Variants in SLC4A10 observed in about 807,000 individuals in gnomAD.
SLC4A10 encodes the protein sodium-driven chloride bicarbonate exchanger.
Under a neutral mutation model 137.7 loss-of-function variants are expected in SLC4A10, and 42 were observed. The ratio of observed to expected loss-of-function variants is 0.30; its 90% confidence interval spans 0.24 to 0.39. The LOEUF is 0.39. SLC4A10 is among the 10% of genes least tolerant of loss of function. SLC4A10 has a pLI of 1.00. For missense variants in SLC4A10, 925 were observed against 1,355.0 expected (o/e 0.68, Z 4.98); for synonymous variants, 474 against 464.1 (o/e 1.02, Z -0.27).
chr2:161,866,936 T>A (rs1437896525), intron 6 of SLC4A10, among the ~76,000 whole-genome samples: 1 of 151,974 alleles, frequency 6.6e-6, no homozygotes, highest in Admixed American at 6.6e-5. Context: ...GCTCTATCCT[T>A]TACTAATAAT....
chr2:161,801,121 T>C (rs1165645543), intron 2 of SLC4A10, among the ~76,000 whole-genome samples: 1 of 152,090 alleles, frequency 6.6e-6, no homozygotes, highest in Admixed American at 6.6e-5. Flanking sequence ...TTAACTGTGT[T>C]GCAAAACTAA....
intron 7 of SLC4A10, 131 bp downstream of exon 7, chr2:161,872,515 GA>G: frequency 4.9e-6 from 2 of 406,572 alleles, no homozygotes. Context: ...TATTGTTACA[GA>G]AAATGTTAGC....
chr2:161,815,067 A>G (rs2056916315), intron 3 of SLC4A10, among the ~76,000 whole-genome samples: 1 of 152,154 alleles, frequency 6.6e-6, no homozygotes, highest in African/African-American at 2.4e-5. Flanking sequence ...AAAGCCAACA[A>G]TATTAGCATT....
intron 15 of SLC4A10, among the ~76,000 whole-genome samples, chr2:161,924,323 A>T (rs560163258): frequency 1.0e-3 from 153 of 152,122 alleles, no homozygotes; most frequent in Non-Finnish European, 1.6e-3. Context: ...ATAAGAAGTA[A>T]GTAGTCAGAA....
rs375098227 is a variant in SLC4A10, at chr2:161,854,008, C to T, written c.417-962C>T. ...GTTGAAGGTGGATCATTTTATTACACAAAATAGTAAGATAATATAATATAG... is the reference window on the plus strand; with the variant it reads ...GTTGAAGGTGGATCATTTTATTACATAAAATAGTAAGATAATATAATATAG... On this transcript the variant is annotated intron_variant, in intron 4 of 26. Transcript: ENST00000446997. Among the ~76,000 whole-genome samples the T allele has an allele frequency of 1.1e-4, 16 of 151,966 alleles. No homozygotes were observed. In the East Asian group the frequency reaches 2.3e-3, roughly 22 times the overall value.
chr2:161,877,344 A>G (rs1243789770), intron 8 of SLC4A10, among the ~76,000 whole-genome samples: 1 of 152,030 alleles, frequency 6.6e-6, no homozygotes, highest in Non-Finnish European at 1.5e-5. Context: ...CAGTATATTT[A>G]TATTGTATCA....
chr2:161,904,041 G>T lies in SLC4A10; in HGVS notation c.1480G>T (p.Ala494Ser), dbSNP rs755321628. Reference protein sequence around the residue: ...GGLILDIKRKAPYFWSDFRDA... With the variant: ...GGLILDIKRKSPYFWSDFRDA... Reference sequence around the variant, plus strand: ...ACTTATTTTAGATATCAAAAGAAAAGCTCCATACTTCTGGAGTGACTTCAG... The same window carrying T: ...ACTTATTTTAGATATCAAAAGAAAATCTCCATACTTCTGGAGTGACTTCAG... The change falls in exon 13 of 27, where the codon GCT (alanine) becomes TCT (serine). Residue 494 changes from alanine to serine, a missense_variant. Transcript: ENST00000446997. 8.2e-6 allele frequency: 13 copies of T among 1,593,050 alleles called. No individual in the cohort carries two copies. In the South Asian group the frequency reaches 9.1e-5, roughly 11 times the overall value.
At chr2:161,769,297 G>A (rs1047124368) in intron 1 of SLC4A10, among the ~76,000 whole-genome samples, 2 of 151,702 alleles carry the variant, frequency 1.3e-5, no homozygotes, top group African/African-American at 4.8e-5. Flanking sequence ...TCCCACATAT[G>A]TTTCCTGTAT....
rs964019615 is a variant in SLC4A10 at position 161,760,287 on chromosome 2, T to G, written c.49-10686T>G. 5.3e-5 allele frequency among the ~76,000 whole-genome samples: 8 copies of G among 152,174 alleles called. No individual in the cohort carries two copies. In the East Asian group the frequency reaches 7.7e-4, roughly 15 times the overall value. On this transcript the variant is annotated intron_variant, in intron 1 of 26. Coordinates refer to ENST00000446997, the MANE Select transcript of SLC4A10 (RefSeq NM_001178015.2). Reference sequence around the variant, plus strand: ...ATGTTCTGTGTAATTTCTTTAGATCTTTTTCCTGGTTCCCTTATTCTTATA... The same window carrying G: ...ATGTTCTGTGTAATTTCTTTAGATCGTTTTCCTGGTTCCCTTATTCTTATA...
At chr2:161,739,474 C>T (rs1310352328) in intron 1 of SLC4A10, among the ~76,000 whole-genome samples, 1 of 152,082 alleles carries the variant, frequency 6.6e-6, no homozygotes, top group Non-Finnish European at 1.5e-5. Flanking sequence ...TCCTTGGTTC[C>T]GTATGTCTAA....
chr2:161,902,511 A>G (rs966836369), intron 12 of SLC4A10, among the ~76,000 whole-genome samples: 8 of 152,164 alleles, frequency 5.3e-5, no homozygotes, highest in African/African-American at 1.9e-4. Context: ...ACATGGGTAG[A>G]GAAGCCTAAG....
At chr2:161,717,414 T>C (rs1255677918) in intron 1 of SLC4A10, among the ~76,000 whole-genome samples, 2 of 152,204 alleles carry the variant, frequency 1.3e-5, no homozygotes, top group Non-Finnish European at 2.9e-5. Context: ...TGCAGTATGA[T>C]ATTGGCTGTG....
chr2:161,925,870 G>A (rs1688974761), intron 15 of SLC4A10, among the ~76,000 whole-genome samples: 1 of 152,150 alleles, frequency 6.6e-6, no homozygotes, highest in Non-Finnish European at 1.5e-5. Flanking sequence ...TTTTGAGTGA[G>A]TTTCTTAATC....
chr2:161,682,257 T>A (rs999304894), intron 1 of SLC4A10, among the ~76,000 whole-genome samples: 4 of 152,176 alleles, frequency 2.6e-5, no homozygotes, highest in Non-Finnish European at 4.4e-5. Flanking sequence ...TGTTTATAAT[T>A]TCATTTAATC....
At chr2:161,682,202 G>T (rs1020108074) in intron 1 of SLC4A10, among the ~76,000 whole-genome samples, 1 of 151,930 alleles carries the variant, frequency 6.6e-6, no homozygotes, top group Non-Finnish European at 1.5e-5. Flanking sequence ...TCCCCCTCTC[G>T]AATTTTAACA....
At chr2:161,759,108 A>G (rs2049975707) in intron 1 of SLC4A10, among the ~76,000 whole-genome samples, 1 of 151,942 alleles carries the variant, frequency 6.6e-6, no homozygotes, top group African/African-American at 2.4e-5. Context: ...CTTGAAGCGT[A>G]TACTTAGAAA....
At chr2:161,826,857 G>C (rs778905722) in intron 3 of SLC4A10, among the ~76,000 whole-genome samples, 36 of 152,132 alleles carry the variant, frequency 2.4e-4, no homozygotes, top group Non-Finnish European at 4.3e-4. Context: ...AATTAGGCTA[G>C]CCAGATCTTC....
chr2:161,700,844 T>C (rs2043053148), intron 1 of SLC4A10, among the ~76,000 whole-genome samples: 1 of 152,150 alleles, frequency 6.6e-6, no homozygotes, highest in South Asian at 2.1e-4. Flanking sequence ...AGTGTCTACA[T>C]TCTTATTCTC....
At chr2:161,697,780 G>C (rs997734880) in intron 1 of SLC4A10, among the ~76,000 whole-genome samples, 2 of 152,332 alleles carry the variant, frequency 1.3e-5, no homozygotes, top group East Asian at 3.9e-4. Flanking sequence ...GATTGACTTG[G>C]TGATGCGGAC....
Sources: gnomAD v4.1 joint callset for allele counts (sites outside exome capture counted in the v4.1 genomes callset) on GRCh38, gnomAD v4.1.1 for gene constraint, MANE v1.5 for transcripts, NCBI Gene and HGNC (gene_info 2026-07-23, HGNC 2026-07-21) for gene names.